The following PTPRD variants were observed in gnomAD, a reference collection of about 807,000 sequenced individuals.
PTPRD encodes the protein receptor-type tyrosine-protein phosphatase delta.
Under a neutral mutation model 214.5 loss-of-function variants are expected in PTPRD, and 34 were observed. The ratio of observed to expected loss-of-function variants is 0.16; its 90% CI spans 0.12 to 0.21. The LOEUF (loss-of-function observed/expected upper bound fraction) is 0.21. Among genes scored for constraint, PTPRD ranks in the 10% least tolerant of loss-of-function variants. The pLI is 1.00. For missense variants in PTPRD, 2,545 were observed against 2,398.7 expected (o/e 1.06, Z -1.27); for synonymous variants, 1,128 against 845.7 (o/e 1.33, Z -5.79).
In PTPRD at chr9:10,302,361, A is replaced by C. The variant is rs1422800901; in HGVS notation, c.-545+38602T>G. The stretch of plus-strand genomic sequence containing the variant: ...CACTATGAAGAAACTACATCAACTA[A>C]TGGGCAAAATAACCAGCTAGAATCA... On this transcript the variant is annotated intron_variant, in intron 3 of 45. Coordinates refer to ENST00000381196, the MANE Select transcript of PTPRD (RefSeq NM_002839.4). Among the ~76,000 whole-genome samples the C allele has an allele frequency of 2.0e-5, 3 of 152,280 alleles. No individual in the cohort carries two copies. The East Asian group carries it at 5.8e-4, about 29-fold the overall frequency.
chr9:9,367,061 A>T (rs541356164), intron 9 of PTPRD, among the ~76,000 whole-genome samples: 90 of 151,002 alleles, frequency 6.0e-4, no homozygotes, highest in African/African-American at 2.1e-3. Context: ...AGTTTAAAAA[A>T]TAAAAACCCT....
intron 5 of PTPRD, among the ~76,000 whole-genome samples, chr9:9,911,739 A>G (rs945991702): frequency 6.6e-6 from 1 of 152,140 alleles, no homozygotes; most frequent in South Asian, 2.1e-4. Context: ...AAATTAATAT[A>G]ACTTTTTATT....
chr9:8,351,581 T>C (rs80227065), intron 39 of PTPRD, among the ~76,000 whole-genome samples: 8,234 of 151,764 alleles, frequency 0.054, 749 homozygotes, highest in African/African-American at 0.19. Flanking sequence ...TCAGGAATAC[T>C]GCCTTGCTCA....
At chr9:8,727,041 G>C (rs2098589538) in intron 12 of PTPRD, among the ~76,000 whole-genome samples, 1 of 151,952 alleles carries the variant, frequency 6.6e-6, no homozygotes, top group African/African-American at 2.4e-5. Context: ...GAAAATTAAA[G>C]AAGTTAAGAA....
chr9:10,414,676 A>G (rs1192826593), intron 2 of PTPRD, among the ~76,000 whole-genome samples: 3 of 151,950 alleles, frequency 2.0e-5, no homozygotes, highest in African/African-American at 4.8e-5. Flanking sequence ...TAGCAAAGAC[A>G]TGAAATTAAC....
intron 8 of PTPRD, among the ~76,000 whole-genome samples, chr9:9,525,744 A>G (rs1329772647): frequency 6.6e-6 from 1 of 152,122 alleles, no homozygotes; most frequent in Non-Finnish European, 1.5e-5. Flanking sequence ...TGTATAAAAG[A>G]GTTTGAAAAC....
intron 14 of PTPRD, among the ~76,000 whole-genome samples, chr9:8,627,482 A>G (rs1027295382): frequency 2.0e-5 from 3 of 151,940 alleles, no homozygotes; most frequent in African/African-American, 7.2e-5. Flanking sequence ...AAACACTCGC[A>G]TGAGTTGATG....
chr9:9,537,346 C>G (rs1217396108), intron 8 of PTPRD, among the ~76,000 whole-genome samples: 1 of 151,864 alleles, frequency 6.6e-6, no homozygotes, highest in Non-Finnish European at 1.5e-5. Context: ...TGTCGTTAGT[C>G]CAGTTGCTAT....
At chr9:9,529,220 C>G (rs1230180725) in intron 8 of PTPRD, among the ~76,000 whole-genome samples, 1 of 151,044 alleles carries the variant, frequency 6.6e-6, no homozygotes, top group Non-Finnish European at 1.5e-5. Flanking sequence ...GCGTGAGCCA[C>G]CACGCCCACC....
intron 11 of PTPRD, among the ~76,000 whole-genome samples, chr9:8,781,464 T>C (rs2095694023): frequency 6.6e-6 from 1 of 152,136 alleles, no homozygotes; most frequent in South Asian, 2.1e-4. Context: ...GAGAAAAAGA[T>C]ATGTCAAAAG....
intron 14 of PTPRD, among the ~76,000 whole-genome samples, chr9:8,580,580 A>C (rs938410288): frequency 6.6e-6 from 1 of 152,212 alleles, no homozygotes. Flanking sequence ...AGTCTTTGAC[A>C]GGTTAATTAA....
At chr9:9,790,748 A>G (rs545691649) in intron 5 of PTPRD, among the ~76,000 whole-genome samples, 1 of 152,324 alleles carries the variant, frequency 6.6e-6, no homozygotes, top group Non-Finnish European at 1.5e-5. Context: ...GGCTATTTTC[A>G]TATTAAAATT....
chr9:8,958,324 A>C (rs1478183875), intron 11 of PTPRD, among the ~76,000 whole-genome samples: 3 of 151,962 alleles, frequency 2.0e-5, no homozygotes, highest in Non-Finnish European at 2.9e-5. Context: ...CTAATAAGGA[A>C]AATTTCTACT....
intron 3 of PTPRD, among the ~76,000 whole-genome samples, chr9:10,206,235 G>T (rs2099476952): frequency 6.6e-6 from 1 of 152,132 alleles, no homozygotes; most frequent in Non-Finnish European, 1.5e-5. Context: ...ACTCAAAGAG[G>T]CTTAGTTTTT....
intron 2 of PTPRD, among the ~76,000 whole-genome samples, chr9:10,518,731 A>T (rs2051019684): frequency 6.6e-6 from 1 of 151,246 alleles, no homozygotes; most frequent in African/African-American, 2.4e-5. Flanking sequence ...ACAGGGTTTT[A>T]CCGTGTTAGC....
intron 8 of PTPRD, among the ~76,000 whole-genome samples, chr9:9,406,200 G>C (rs996460014): frequency 6.6e-6 from 1 of 151,880 alleles, no homozygotes; most frequent in African/African-American, 2.4e-5. Context: ...CACCTGAAAA[G>C]TGCTGTTAAA....
At chr9:8,778,252 C>G (rs2095559435) in intron 11 of PTPRD, among the ~76,000 whole-genome samples, 1 of 152,190 alleles carries the variant, frequency 6.6e-6, no homozygotes, top group South Asian at 2.1e-4. Context: ...TACAATGAGC[C>G]AAAATTAGTA....
intron 3 of PTPRD, among the ~76,000 whole-genome samples, chr9:10,202,243 C>T (rs1255387830): frequency 6.6e-6 from 1 of 151,958 alleles, no homozygotes; most frequent in Non-Finnish European, 1.5e-5. Flanking sequence ...GGGCTTATTA[C>T]AAAAATAACA....
intron 14 of PTPRD, among the ~76,000 whole-genome samples, chr9:8,616,826 C>T (rs2095626523): frequency 6.6e-6 from 1 of 152,092 alleles, no homozygotes. Flanking sequence ...GCTAAAAATA[C>T]TAATAATTTA....
Sources: gnomAD v4.1 joint callset for allele counts (sites outside exome capture counted in the v4.1 genomes callset) on GRCh38, gnomAD v4.1.1 for gene constraint, MANE v1.5 for transcripts, NCBI Gene and HGNC (gene_info 2026-07-23, HGNC 2026-07-21) for gene names.